PFDN1: variants seen among roughly 807,000 people sequenced by gnomAD.
PFDN1 encodes prefoldin subunit 1, also known as prefoldin 1.
In PFDN1, 6 loss-of-function variants were observed where a neutral mutation model predicts 17.3. The observed-to-expected ratio is 0.35, with a 90% confidence interval of 0.19 to 0.69. The LOEUF (loss-of-function observed/expected upper bound fraction) is 0.69, where lower values mean the gene tolerates loss of function less well. Among genes scored for constraint, PFDN1 ranks in the 30% least tolerant of loss-of-function variants. PFDN1 has a pLI of 0.65. For synonymous variants in PFDN1, 58 were observed against 50.1 expected (o/e 1.16, Z -0.67); for missense variants, 113 against 146.2 (o/e 0.77, Z 1.17).
chr5:140,280,014 C>CCAAAAAAAAAA (rs1335205089), intron 3 of PFDN1, among the ~76,000 whole-genome samples: 11 of 99,090 alleles, frequency 1.1e-4, no homozygotes, highest in African/African-American at 2.0e-4. Context: ...AAAAAAAAAA[C>CCAAAAAAAAAA]AAAAAAAGAA....
intron 2 of PFDN1, among the ~76,000 whole-genome samples, chr5:140,293,884 C>G (rs975582537): frequency 1.3e-5 from 2 of 151,910 alleles, no homozygotes; most frequent in Admixed American, 6.6e-5. Flanking sequence ...GTCATTTTTC[C>G]CTGCACAACA....
At chr5:140,270,858 G>A (rs528855468) in intron 3 of PFDN1, among the ~76,000 whole-genome samples, 2 of 152,202 alleles carry the variant, frequency 1.3e-5, no homozygotes, top group East Asian at 3.9e-4. Flanking sequence ...CCTGGGAGGT[G>A]GAGCTTGCAG....
rs544974037 is a variant in PFDN1 at position 140,281,322 on chromosome 5, G to A, written c.285+127C>T. 2.5e-3 allele frequency: 1,502 copies of A among 589,790 alleles called. 7 individuals are homozygous for A. Among genetic ancestry groups the A allele is most frequent in the Non-Finnish European group, 3.8e-3 (1,275 of 333,196 alleles). The allele number at this position is 589,790 out of a possible 1,614,324, so 36.5% of individuals were successfully genotyped here. On this transcript the variant is annotated intron_variant, in intron 3 of 3. Coordinates refer to ENST00000261813, the MANE Select transcript of PFDN1 (RefSeq NM_002622.5). ...AATATGACAGCTTCACGGCTCCAAC[G>A]TAATTATAGAAAATAAAAATAATAT...
At chr5:140,295,640 A>G (rs961189172) in intron 2 of PFDN1, among the ~76,000 whole-genome samples, 1 of 152,206 alleles carries the variant, frequency 6.6e-6, no homozygotes, top group African/African-American at 2.4e-5. Flanking sequence ...CAACACGCCA[A>G]AAGACTGGAT....
chr5:140,252,301 T>C (rs1034194818), intron 3 of PFDN1, among the ~76,000 whole-genome samples: 3 of 152,212 alleles, frequency 2.0e-5, no homozygotes, highest in South Asian at 2.1e-4. Context: ...GCTCATCTCC[T>C]GCCCTCCAAT....
Position 140,254,555 on chromosome 5 carries a change from T to C in PFDN1, c.286-8498A>G, listed in dbSNP as rs1364830702. ...CTCCCTCTCCACCACAGCTGTACCA[T>C]TCAAGGTGACTTCAACAAGAATGTA... On this transcript the variant is annotated intron_variant, in intron 3 of 3. Coordinates refer to ENST00000261813, the MANE Select transcript of PFDN1 (RefSeq NM_002622.5). The surrounding 1 kb of genome is among the most constrained non-coding windows in gnomAD (Gnocchi z 4.4). Among the ~76,000 whole-genome samples the C allele has an allele frequency of 1.3e-5, 2 of 152,138 alleles. No homozygotes were observed. The highest frequency in any genetic ancestry group is 4.8e-5 in the African/African-American group (2 of 41,410).
chr5:140,295,803 T>C (rs1765645007), intron 2 of PFDN1, among the ~76,000 whole-genome samples: 1 of 151,810 alleles, frequency 6.6e-6, no homozygotes, highest in Non-Finnish European at 1.5e-5. Context: ...ACTTATGAAA[T>C]GAAAGATATC....
rs529310452 is a variant in PFDN1 at position 140,288,245 on chromosome 5, A to T, written c.201-6712T>A. The stretch of plus-strand genomic sequence containing the variant: ...CGACGACAAAACGAAATGAGGTATC[A>T]AGTCACAAAGACACAGAGGAGCCTT... On this transcript the variant is annotated intron_variant, in intron 2 of 3. Coordinates refer to ENST00000261813, the MANE Select transcript of PFDN1 (RefSeq NM_002622.5). Among the ~76,000 whole-genome samples, 9 of 152,378 alleles carry T rather than the reference A, an allele frequency of 5.9e-5. No homozygotes were observed. The East Asian group carries it at 1.2e-3, about 20-fold the overall frequency.
intron 3 of PFDN1, among the ~76,000 whole-genome samples, chr5:140,271,969 T>C (rs1183441792): frequency 6.9e-6 from 1 of 144,402 alleles, no homozygotes; most frequent in Non-Finnish European, 1.5e-5. Context: ...TATATTTATA[T>C]ACATAAGATA....
At chr5:140,260,618 A>C (rs1235384528) in intron 3 of PFDN1, among the ~76,000 whole-genome samples, 1 of 150,194 alleles carries the variant, frequency 6.7e-6, no homozygotes, top group African/African-American at 2.5e-5. Flanking sequence ...TGATCCATTT[A>C]TAAACACCCA....
intron 3 of PFDN1, among the ~76,000 whole-genome samples, chr5:140,255,271 T>C (rs1350166950): frequency 1.3e-5 from 2 of 152,214 alleles, no homozygotes; most frequent in Admixed American, 1.3e-4. Flanking sequence ...CTTTCTCTAC[T>C]GTTAAAATTG....
chr5:140,259,316 A>G (rs561324267), intron 3 of PFDN1, among the ~76,000 whole-genome samples: 5 of 152,364 alleles, frequency 3.3e-5, no homozygotes, highest in African/African-American at 1.2e-4. Context: ...TGTCAGGACA[A>G]ATAACGTTAA....
At chr5:140,291,051 A>G (rs993390730) in intron 2 of PFDN1, among the ~76,000 whole-genome samples, 1 of 152,238 alleles carries the variant, frequency 6.6e-6, no homozygotes, top group Non-Finnish European at 1.5e-5. Context: ...AGGGTAAGCC[A>G]TGGAGACACC....
intron 3 of PFDN1, among the ~76,000 whole-genome samples, chr5:140,260,421 A>G (rs1246413259): frequency 6.6e-6 from 1 of 152,000 alleles, no homozygotes; most frequent in Non-Finnish European, 1.5e-5. Flanking sequence ...TACAACAGCC[A>G]AAAAGGGGAA....
At chr5:140,299,967 G>C in intron 2 of PFDN1, among the ~76,000 whole-genome samples, 1 of 151,992 alleles carries the variant, frequency 6.6e-6, no homozygotes. Context: ...AGCCAAGATC[G>C]GGCCATTGCA....
intron 3 of PFDN1, among the ~76,000 whole-genome samples, chr5:140,266,226 C>A (rs1463866803): frequency 6.6e-6 from 1 of 152,198 alleles, no homozygotes; most frequent in African/African-American, 2.4e-5. Context: ...TACCCAGTCA[C>A]CTTGGTTCTA....
intron 3 of PFDN1, among the ~76,000 whole-genome samples, chr5:140,274,182 A>C (rs1765255084): frequency 6.6e-6 from 1 of 152,214 alleles, no homozygotes. Flanking sequence ...GAAGATATAG[A>C]TCTCAATCTA....
rs1765724190 is a variant in PFDN1 at position 140,300,337 on chromosome 5, GT to G, written c.200+78del. On this transcript the variant is annotated intron_variant, in intron 2 of 3. Coordinates refer to ENST00000261813, the MANE Select transcript of PFDN1 (RefSeq NM_002622.5). Reference sequence around the variant, plus strand: ...AGCCACCACTCCTGGCCTAACCCAAGTTTTAAGATGAACAAATTCTATTTAA... The same window carrying G: ...AGCCACCACTCCTGGCCTAACCCAAGTTTAAGATGAACAAATTCTATTTAA... 6.8e-6 allele frequency: 8 copies of G among 1,173,268 alleles called. No individual in the cohort carries two copies. The East Asian group carries it at 9.6e-5, about 14-fold the overall frequency. 72.7% of individuals were successfully genotyped at this position (1,173,268 alleles called of 1,614,324 possible).
chr5:140,269,319 CTTT>C (rs755675601), intron 3 of PFDN1, among the ~76,000 whole-genome samples: 2 of 139,480 alleles, frequency 1.4e-5, no homozygotes, highest in Non-Finnish European at 1.6e-5. Context: ...AGCCTTATAA[CTTT>C]TTTTTTTTTT....
Sources: gnomAD v4.1 joint callset for allele counts (sites outside exome capture counted in the v4.1 genomes callset) on GRCh38, gnomAD v4.1.1 for gene constraint, Gnocchi (gnomAD v3.1) non-coding constraint, MANE v1.5 for transcripts, NCBI Gene and HGNC (gene_info 2026-07-23, HGNC 2026-07-21) for gene names.